The following DLG2 variants were observed in gnomAD, a reference collection of about 807,000 sequenced individuals.
The protein encoded by DLG2 is discs large MAGUK scaffold protein 2.
Under a neutral mutation model 132.5 loss-of-function variants are expected in DLG2, and 45 were observed. The ratio of observed to expected loss-of-function variants is 0.34; its 90% CI spans 0.27 to 0.44. The LOEUF (loss-of-function observed/expected upper bound fraction) is 0.44, where lower values mean the gene tolerates loss of function less well. DLG2 is among the 20% of genes least tolerant of loss of function. The pLI, the probability that DLG2 is intolerant of heterozygous loss-of-function variation, is 1.00. For synonymous variants in DLG2, 424 were observed against 419.6 expected, an observed-to-expected ratio of 1.01 and a Z score of -0.13; for missense variants, 1,045 against 1,196.9, an observed-to-expected ratio of 0.87 and a Z score of 1.87.
At chr11:84,685,036 C>T (rs1351898095) in intron 6 of DLG2, among the ~76,000 whole-genome samples, 2 of 152,168 alleles carry the variant, frequency 1.3e-5, no homozygotes, top group African/African-American at 2.4e-5. Flanking sequence ...TTTGCATTCT[C>T]ACAACAACCT....
chr11:84,998,390 A>G (rs554845973), intron 6 of DLG2, among the ~76,000 whole-genome samples: 1 of 152,162 alleles, frequency 6.6e-6, no homozygotes, highest in African/African-American at 2.4e-5. Flanking sequence ...TCTGTGAAGA[A>G]GTACCTTCCA....
chr11:83,976,808 A>AT (rs557977300), intron 12 of DLG2, among the ~76,000 whole-genome samples: 17 of 150,886 alleles, frequency 1.1e-4, no homozygotes, highest in South Asian at 2.1e-4. Flanking sequence ...TTTCGAAATC[A>AT]TTTTTTTTTG....
At chr11:85,422,540 T>G (rs952070171) in intron 3 of DLG2, among the ~76,000 whole-genome samples, 2 of 151,392 alleles carry the variant, frequency 1.3e-5, no homozygotes, top group Non-Finnish European at 2.9e-5. Flanking sequence ...AGTTTTTATT[T>G]TTTTTGGTGG....
intron 7 of DLG2, among the ~76,000 whole-genome samples, chr11:84,473,122 G>A (rs925648334): frequency 1.3e-5 from 2 of 151,922 alleles, no homozygotes; most frequent in African/African-American, 4.8e-5. Flanking sequence ...CATTCACCTC[G>A]TATTTGGTAG....
At chr11:84,970,531 A>G (rs1366661516) in intron 6 of DLG2, among the ~76,000 whole-genome samples, 2 of 152,164 alleles carry the variant, frequency 1.3e-5, no homozygotes, top group African/African-American at 4.8e-5. Flanking sequence ...AGCAGATGTG[A>G]TGACTGCTGA....
chr11:84,987,421 TA>T (rs1333574183), intron 6 of DLG2, among the ~76,000 whole-genome samples: 1 of 151,806 alleles, frequency 6.6e-6, no homozygotes, highest in Non-Finnish European at 1.5e-5. Flanking sequence ...AAAAAAAATT[TA>T]AAATTAATAT....
At chr11:85,108,851 G>C (rs746080886) in intron 6 of DLG2, among the ~76,000 whole-genome samples, 1 of 151,992 alleles carries the variant, frequency 6.6e-6, no homozygotes, top group Non-Finnish European at 1.5e-5. Flanking sequence ...TGAGAAAGAA[G>C]TAACATTGAT....
chr11:83,553,884 CTTTTCTTTTT>C (rs1310918986), intron 19 of DLG2, among the ~76,000 whole-genome samples: 7 of 125,906 alleles, frequency 5.6e-5, no homozygotes, highest in East Asian at 4.7e-4. Context: ...ATAGCACAAT[CTTTTCTTTTT>C]TTTTCTTTTT....
rs144026356 is a variant in DLG2, at chr11:85,554,942, C to T, written c.40+43715G>A. 9.4e-4 allele frequency among the ~76,000 whole-genome samples: 142 copies of T among 151,730 alleles called. 4 individuals carry two copies. The highest frequency in any genetic ancestry group is 1.8e-3 in the Admixed American group (27 of 15,186). On this transcript the variant is annotated intron_variant, in intron 3 of 27. Coordinates refer to ENST00000376104, the MANE Select transcript of DLG2 (RefSeq NM_001142699.3). The stretch of plus-strand genomic sequence containing the variant: ...GTGCACAAGGATCATTTTCCACACA[C>T]ATATGATTTAACTTTCAACCAGTCT...
At chr11:84,797,455 C>G (rs916828364) in intron 6 of DLG2, among the ~76,000 whole-genome samples, 3 of 152,156 alleles carry the variant, frequency 2.0e-5, no homozygotes, top group South Asian at 4.1e-4. Context: ...TTTCAAATAG[C>G]CTGTCTTCAA....
chr11:84,585,922 T>C (rs1050282233), intron 6 of DLG2, among the ~76,000 whole-genome samples: 7 of 152,144 alleles, frequency 4.6e-5, no homozygotes, highest in Non-Finnish European at 1.0e-4. Context: ...GAGGCTGAGG[T>C]GGGTGAATCA....
intron 6 of DLG2, among the ~76,000 whole-genome samples, chr11:84,700,068 A>T (rs1192284192): frequency 2.0e-5 from 3 of 151,682 alleles, no homozygotes. Context: ...GTTAGCTCTT[A>T]TATATAATAG....
chr11:85,152,534 C>T (rs2077325291), intron 5 of DLG2, among the ~76,000 whole-genome samples: 1 of 151,936 alleles, frequency 6.6e-6, no homozygotes, highest in Admixed American at 6.6e-5. Flanking sequence ...TCCCAAAGTG[C>T]TGGGATCACC....
chr11:85,501,910 A>G (rs1232598313), intron 3 of DLG2, among the ~76,000 whole-genome samples: 1 of 152,182 alleles, frequency 6.6e-6, no homozygotes, highest in African/African-American at 2.4e-5. Context: ...CATCAATCCG[A>G]TTACCAGGCA....
At chr11:84,666,818 C>T (rs2099700223) in intron 6 of DLG2, among the ~76,000 whole-genome samples, 1 of 151,852 alleles carries the variant, frequency 6.6e-6, no homozygotes, top group East Asian at 1.9e-4. Context: ...GAAAGGTTTA[C>T]CTAAGGACAG....
intron 21 of DLG2, among the ~76,000 whole-genome samples, chr11:83,531,414 A>G (rs950980837): frequency 5.3e-5 from 8 of 152,080 alleles, no homozygotes; most frequent in African/African-American, 1.9e-4. Flanking sequence ...TATGCTCAAT[A>G]TCAACAGTCA....
chr11:85,075,476 A>G (rs1312708707), intron 6 of DLG2, among the ~76,000 whole-genome samples: 1 of 151,958 alleles, frequency 6.6e-6, no homozygotes, highest in Non-Finnish European at 1.5e-5. Flanking sequence ...TCAGTCACAT[A>G]TAATGTGGTA....
In DLG2 at chr11:84,915,800, C is replaced by T. The variant is rs564117028; in HGVS notation, c.357+195861G>A. Among the ~76,000 whole-genome samples, 12 of 151,776 alleles carry T rather than the reference C, an allele frequency of 7.9e-5. No homozygotes were observed. In the East Asian group the frequency reaches 1.4e-3, roughly 17 times the overall value. On this transcript the variant is annotated intron_variant, in intron 6 of 27. Coordinates refer to ENST00000376104, the MANE Select transcript of DLG2 (RefSeq NM_001142699.3). ...TATAAAATATTTCCAGCTTTCTGAA[C>T]GGCTAACATTCATTCATTCAGTCCA...
chr11:85,569,993 G>C, intron 3 of DLG2, among the ~76,000 whole-genome samples: 1 of 152,182 alleles, frequency 6.6e-6, no homozygotes. Context: ...AACTACTAGA[G>C]GGAAGAGGGG....
Sources: gnomAD v4.1 joint callset for allele counts (sites outside exome capture counted in the v4.1 genomes callset) on GRCh38, gnomAD v4.1.1 for gene constraint, MANE v1.5 for transcripts, NCBI Gene and HGNC (gene_info 2026-07-23, HGNC 2026-07-21) for gene names.